Variants in CRYBG1 observed in about 807,000 individuals in gnomAD.
CRYBG1 encodes beta/gamma crystallin domain-containing protein 1.
A neutral mutation model predicts 189.2 loss-of-function variants in CRYBG1; 139 were observed. The observed-to-expected ratio is 0.73, with a 90% CI of 0.64 to 0.85. The LOEUF (loss-of-function observed/expected upper bound fraction) is 0.85. Among genes scored for constraint, CRYBG1 ranks in the 40% least tolerant of loss-of-function variants. The pLI, the probability that CRYBG1 is intolerant of heterozygous loss-of-function variation, is 0.00. For missense variants in CRYBG1, 2,611 were observed against 2,675.8 expected (o/e 0.98, Z 0.53); for synonymous variants, 1,023 against 1,017.1 (o/e 1.01, Z -0.11).
intron 2 of CRYBG1, among the ~76,000 whole-genome samples, chr6:106,489,249 C>A (rs764374178): frequency 6.6e-6 from 1 of 152,100 alleles, no homozygotes; most frequent in Non-Finnish European, 1.5e-5. Flanking sequence ...TGCTATCCAG[C>A]AACTTCCTCA....
Position 106,510,612 on chromosome 6 carries a change from G to A in CRYBG1, c.313-818G>A, listed in dbSNP as rs369387995. Among the ~76,000 whole-genome samples the A allele has an allele frequency of 1.8e-4, 28 of 152,336 alleles. No homozygotes were observed. The South Asian group carries it at 5.8e-3, about 32-fold the overall frequency. ...TGTGGCGAGGAACGGGTCCCGGGGCGGAGTAGGCAGAGTCCCAAGCGCATC... is the reference window on the plus strand; with the variant it reads ...TGTGGCGAGGAACGGGTCCCGGGGCAGAGTAGGCAGAGTCCCAAGCGCATC... On this transcript the variant is annotated intron_variant, in intron 2 of 21. Transcript: ENST00000633556.
chr6:106,479,244 G>T (rs1365500379), intron 2 of CRYBG1, among the ~76,000 whole-genome samples: 1 of 152,108 alleles, frequency 6.6e-6, no homozygotes, highest in African/African-American at 2.4e-5. Flanking sequence ...GAATTTCTGG[G>T]TGTCTTAGCT....
chr6:106,521,552 C>G (rs1773612558), intron 4 of CRYBG1, 99 bp downstream of exon 4: 1 of 1,301,342 alleles, frequency 7.7e-7, no homozygotes, highest in African/African-American at 1.5e-5. Flanking sequence ...AATGGTTAAG[C>G]TTATGTGCTA....
chr6:106,468,338 GGAAGGGCTGCATACTAA>G (rs1030069530), intron 2 of CRYBG1, among the ~76,000 whole-genome samples: 1 of 152,178 alleles, frequency 6.6e-6, no homozygotes, highest in Admixed American at 6.5e-5. Flanking sequence ...CACAGTTAAG[GGAAGGGCTGCATACTAA>G]GATGGGACAA....
intron 1 of CRYBG1, among the ~76,000 whole-genome samples, chr6:106,417,065 G>A (rs1562300913): frequency 7.4e-6 from 1 of 134,764 alleles, no homozygotes; most frequent in Non-Finnish European, 1.5e-5. Flanking sequence ...GAGTGCACTG[G>A]CACAATTACA....
chr6:106,519,586 C>A lies in CRYBG1; in HGVS notation c.2378C>A (p.Ala793Asp), dbSNP rs1038523194. ...GATAAAGCAGATGTACAAACAGATG[C>A]TGGCTGCCTTTCAGAACCAGTGGCT... ...QDDKADVQTD[A>D]GCLSEPVASA... The change falls in exon 4 of 22, where the codon GCT (alanine) becomes GAT (aspartate). Residue 793 changes from alanine to aspartate, a missense_variant. Physicochemically the swap from Ala to Asp is moderately radical, Grantham distance 126. Transcript: ENST00000633556. The A allele has an allele frequency of 1.9e-6, 3 of 1,614,068 alleles. No individual in the cohort carries two copies. Among genetic ancestry groups the A allele is most frequent in the Admixed American group, 1.7e-5 (1 of 60,002 alleles).
intron 1 of CRYBG1, among the ~76,000 whole-genome samples, chr6:106,406,653 A>C (rs6907196): frequency 4.7e-5 from 7 of 150,246 alleles, no homozygotes; most frequent in South Asian, 2.1e-4. Context: ...TCGGGTTACC[A>C]ACAAAGGGAA....
chr6:106,570,434 T>C lies in CRYBG1; in HGVS notation c.*1868T>C, dbSNP rs1389728201. On this transcript the variant is annotated 3_prime_UTR_variant, in exon 22 of 22. Transcript: ENST00000633556. Reference sequence around the variant, plus strand: ...GCTGAACTGATCTCTTAAATAAACTTGCTTCTGGTTAACTATGTTGATGAA... The same window carrying C: ...GCTGAACTGATCTCTTAAATAAACTCGCTTCTGGTTAACTATGTTGATGAA... 1 of 152,214 alleles carries C rather than the reference T, an allele frequency of 6.6e-6. No individual in the cohort carries two copies. Among genetic ancestry groups the C allele is most frequent in the Non-Finnish European group, 1.5e-5 (1 of 68,034 alleles). 9.4% of individuals were successfully genotyped at this position (152,214 alleles called of 1,614,324 possible).
chr6:106,487,537 G>A (rs994389452), intron 2 of CRYBG1, among the ~76,000 whole-genome samples: 2 of 152,062 alleles, frequency 1.3e-5, no homozygotes, highest in African/African-American at 4.8e-5. Context: ...GTCTGTTGTT[G>A]AAGCTCTCAA....
chr6:106,545,236 AAAT>A (rs1371878097), intron 13 of CRYBG1, among the ~76,000 whole-genome samples: 2 of 152,202 alleles, frequency 1.3e-5, no homozygotes, highest in East Asian at 3.8e-4. Context: ...GATGGAGATC[AAAT>A]AATAATAATA....
At chr6:106,497,569 A>T (rs186173339) in intron 2 of CRYBG1, among the ~76,000 whole-genome samples, 113 of 152,350 alleles carry the variant, frequency 7.4e-4, no homozygotes, top group African/African-American at 2.7e-3. Context: ...GTGTGTGCAC[A>T]CATGTGTGCG....
At chr6:106,514,305 G>A (rs1163265548) in intron 3 of CRYBG1, among the ~76,000 whole-genome samples, 1 of 152,144 alleles carries the variant, frequency 6.6e-6, no homozygotes, top group Non-Finnish European at 1.5e-5. Flanking sequence ...TCACATATTT[G>A]TTCAAGGAGT....
intron 6 of CRYBG1, 110 bp downstream of exon 6, chr6:106,525,496 C>T: frequency 1.2e-6 from 1 of 824,070 alleles, no homozygotes; most frequent in Non-Finnish European, 2.1e-6. Flanking sequence ...CAATGAAAAG[C>T]ACAGGAAATA....
intron 4 of CRYBG1, 128 bp downstream of exon 4, chr6:106,521,581 C>T (rs1773613176): frequency 8.9e-7 from 1 of 1,121,940 alleles, no homozygotes; most frequent in Non-Finnish European, 1.2e-6. Flanking sequence ...ATTCATTCAT[C>T]ACATATTTGA....
At chr6:106,470,990 A>G (rs923764805) in intron 2 of CRYBG1, among the ~76,000 whole-genome samples, 2 of 152,192 alleles carry the variant, frequency 1.3e-5, no homozygotes, top group African/African-American at 4.8e-5. Flanking sequence ...TCAATACATC[A>G]TTGAAGACAA....
intron 2 of CRYBG1, among the ~76,000 whole-genome samples, chr6:106,466,490 G>C (rs1772117584): frequency 1.3e-5 from 2 of 152,176 alleles, no homozygotes; most frequent in Admixed American, 1.3e-4. Context: ...GAGGTGTCTT[G>C]GGAGTTTCTT....
At chr6:106,544,445 G>T in intron 11 of CRYBG1, 126 bp from the exon 12 acceptor site, 1 of 1,103,414 alleles carries the variant, frequency 9.1e-7, no homozygotes, top group Non-Finnish European at 1.3e-6. Flanking sequence ...GAATTCCAAT[G>T]ATAATAAAGC....
intron 2 of CRYBG1, among the ~76,000 whole-genome samples, chr6:106,471,991 G>A (rs1215932851): frequency 6.6e-6 from 1 of 152,118 alleles, no homozygotes; most frequent in African/African-American, 2.4e-5. Flanking sequence ...TTCACTGATT[G>A]AGATATATTT....
chr6:106,483,345 A>G (rs1772509974), intron 2 of CRYBG1, among the ~76,000 whole-genome samples: 2 of 142,172 alleles, frequency 1.4e-5, no homozygotes, highest in East Asian at 2.4e-4. Flanking sequence ...TTATGCCTGC[A>G]TAGTATTCCA....
Sources: allele counts gnomAD v4.1 joint callset (sites outside exome capture counted in the v4.1 genomes callset), GRCh38; gene constraint gnomAD v4.1.1; transcripts MANE v1.5; gene names NCBI Gene and HGNC (gene_info 2026-07-23, HGNC 2026-07-21).